The following CCDC192 variants were observed in gnomAD, a reference collection of about 807,000 sequenced individuals.
The protein encoded by CCDC192 is coiled-coil domain containing 192.
At chr5:127,737,372 G>A (rs1580561170) in intron 2 of CCDC192, among the ~76,000 whole-genome samples, 1 of 152,224 alleles carries the variant, frequency 6.6e-6, no homozygotes, top group Non-Finnish European at 1.5e-5. Context: ...TTTTGGAATA[G>A]ATGTGGTGTG....
intron 6 of CCDC192, among the ~76,000 whole-genome samples, chr5:127,919,077 G>A (rs74946785): frequency 7.2e-6 from 1 of 138,600 alleles, no homozygotes; most frequent in South Asian, 2.4e-4. Flanking sequence ...GTATATATGT[G>A]TGTGTGTGTG....
rs1045328972 is a variant in CCDC192 at position 127,718,894 on chromosome 5, G to A, written c.114+11134G>A. The stretch of plus-strand genomic sequence containing the variant: ...CCTCAAGCTTTTATATTTTATTTGT[G>A]TTACAAACAATCCAATTATACTCTT... On this transcript the variant is annotated intron_variant, in intron 2 of 6. Coordinates refer to ENST00000514853, the MANE Select transcript of CCDC192 (RefSeq NM_001317938.2). 3.3e-5 allele frequency among the ~76,000 whole-genome samples: 5 copies of A among 151,854 alleles called. No homozygotes were observed. The South Asian group carries it at 1.0e-3, about 32-fold the overall frequency.
intron 6 of CCDC192, among the ~76,000 whole-genome samples, chr5:127,891,158 TCTC>T (rs1361906235): frequency 3.9e-5 from 6 of 152,174 alleles, no homozygotes; most frequent in African/African-American, 7.2e-5. Flanking sequence ...TTCAAGCAGT[TCTC>T]CTTGTCTCAG....
chr5:127,827,943 G>A (rs1408854079), intron 5 of CCDC192, among the ~76,000 whole-genome samples: 2 of 152,022 alleles, frequency 1.3e-5, no homozygotes, highest in African/African-American at 4.8e-5. Context: ...GCTCACTCTT[G>A]TTGCCCAGAC....
intron 6 of CCDC192, among the ~76,000 whole-genome samples, chr5:127,924,956 A>G (rs10052229): frequency 0.14 from 21,604 of 152,198 alleles, 3,656 homozygotes; most frequent in African/African-American, 0.39. Context: ...TCATAGCCAC[A>G]GAATTTTTTG....
At chr5:127,816,718 A>G (rs1749042156) in intron 5 of CCDC192, among the ~76,000 whole-genome samples, 1 of 152,226 alleles carries the variant, frequency 6.6e-6, no homozygotes. Context: ...ATTCTGGCAT[A>G]AATGTTTCAA....
chr5:127,841,677 A>G (rs1750294651), intron 5 of CCDC192, among the ~76,000 whole-genome samples: 1 of 152,062 alleles, frequency 6.6e-6, no homozygotes, highest in South Asian at 2.1e-4. Flanking sequence ...TTCTTAACAT[A>G]TACTCACCCT....
At chr5:127,718,510 AT>A (rs1231538185) in intron 2 of CCDC192, among the ~76,000 whole-genome samples, 1 of 152,116 alleles carries the variant, frequency 6.6e-6, no homozygotes, top group East Asian at 1.9e-4. Flanking sequence ...GTGCTGGCAC[AT>A]TTTATTCTCT....
chr5:127,755,613 C>A (rs1580603583), intron 3 of CCDC192, among the ~76,000 whole-genome samples: 1 of 147,830 alleles, frequency 6.8e-6, no homozygotes, highest in African/African-American at 2.5e-5. Flanking sequence ...CAAAAACAAG[C>A]CTCGAACTGT....
At chr5:127,933,688 C>T (rs1280277699) in intron 6 of CCDC192, among the ~76,000 whole-genome samples, 2 of 152,134 alleles carry the variant, frequency 1.3e-5, no homozygotes, top group Non-Finnish European at 2.9e-5. Context: ...GTTTGTGGTC[C>T]TCCAAAATAT....
At chr5:127,753,279 T>C (rs1754345423) in intron 2 of CCDC192, among the ~76,000 whole-genome samples, 1 of 152,192 alleles carries the variant, frequency 6.6e-6, no homozygotes. Flanking sequence ...TTCTTTCTAA[T>C]TATTAAGTAT....
At chr5:127,924,040 G>A (rs545004342) in intron 6 of CCDC192, among the ~76,000 whole-genome samples, 1 of 152,294 alleles carries the variant, frequency 6.6e-6, no homozygotes, top group East Asian at 1.9e-4. Context: ...CACATATCCT[G>A]TTATTTGGAG....
intron 6 of CCDC192, among the ~76,000 whole-genome samples, chr5:127,921,109 A>AG (rs1225640616): frequency 0.07 from 10,076 of 144,910 alleles, 1,251 homozygotes; most frequent in African/African-American, 0.26. Flanking sequence ...AAAGGAAAGG[A>AG]AAGGAGAAAG....
chr5:127,868,841 G>T (rs1185215093), intron 5 of CCDC192, among the ~76,000 whole-genome samples: 1 of 151,994 alleles, frequency 6.6e-6, no homozygotes, highest in South Asian at 2.1e-4. Context: ...CCACAATGTA[G>T]GACACTGGGT....
At chr5:127,871,056 G>A (rs1751835302) in intron 5 of CCDC192, among the ~76,000 whole-genome samples, 1 of 152,350 alleles carries the variant, frequency 6.6e-6, no homozygotes, top group East Asian at 1.9e-4. Flanking sequence ...AAAGTGGGAG[G>A]AAGCTCTGCC....
At chr5:127,838,090 C>A (rs1035293120) in intron 5 of CCDC192, among the ~76,000 whole-genome samples, 7 of 152,168 alleles carry the variant, frequency 4.6e-5, no homozygotes, top group African/African-American at 1.7e-4. Context: ...GTTATCTACC[C>A]AATTCTCAAC....
intron 5 of CCDC192, among the ~76,000 whole-genome samples, chr5:127,841,443 T>C (rs1750282139): frequency 6.6e-6 from 1 of 152,218 alleles, no homozygotes; most frequent in Non-Finnish European, 1.5e-5. Flanking sequence ...CAAGGAGTGA[T>C]TTTTTAAACT....
chr5:127,792,652 G>A (rs1756939134), intron 3 of CCDC192, among the ~76,000 whole-genome samples: 1 of 151,892 alleles, frequency 6.6e-6, no homozygotes, highest in African/African-American at 2.4e-5. Context: ...GTTGCAAGAA[G>A]CTGAGATTGT....
chr5:127,740,609 T>G (rs1051374599), intron 2 of CCDC192, among the ~76,000 whole-genome samples: 2 of 152,166 alleles, frequency 1.3e-5, no homozygotes, highest in Admixed American at 6.5e-5. Flanking sequence ...TTTTTTAAAT[T>G]TTTTAAAAAA....
Sources: allele counts gnomAD v4.1 joint callset (sites outside exome capture counted in the v4.1 genomes callset), GRCh38; gene constraint gnomAD v4.1.1; transcripts MANE v1.5; gene names NCBI Gene and HGNC (gene_info 2026-07-23, HGNC 2026-07-21).